PDE11A: variants seen among roughly 807,000 people sequenced by gnomAD.
PDE11A encodes the protein dual 3',5'-cyclic-AMP and -GMP phosphodiesterase 11A.
A neutral mutation model predicts 100.5 loss-of-function variants in PDE11A; 100 were observed. The ratio of observed to expected loss-of-function variants is 1.00; its 90% confidence interval spans 0.85 to 1.18. The LOEUF (loss-of-function observed/expected upper bound fraction) is 1.18, where lower values mean the gene tolerates loss of function less well. PDE11A is among the 50% of genes most tolerant of loss of function. The pLI is 0.00. For missense variants in PDE11A, 1,141 were observed against 1,152.6 expected (o/e 0.99, Z 0.15); for synonymous variants, 381 against 420.8 (o/e 0.91, Z 1.16).
chr2:177,690,471 T>C (rs1040833786), intron 15 of PDE11A, among the ~76,000 whole-genome samples: 6 of 152,258 alleles, frequency 3.9e-5, no homozygotes, highest in African/African-American at 9.6e-5. Context: ...TGCCTAGCAG[T>C]AGAAACATTT....
At chr2:177,776,740 G>A (rs1239791642) in intron 9 of PDE11A, among the ~76,000 whole-genome samples, 1 of 152,100 alleles carries the variant, frequency 6.6e-6, no homozygotes, top group Non-Finnish European at 1.5e-5. Flanking sequence ...GACCAGGTGA[G>A]GACACAGAGA....
chr2:177,923,037 CT>C (rs2085075835), intron 2 of PDE11A, among the ~76,000 whole-genome samples: 12 of 151,714 alleles, frequency 7.9e-5, no homozygotes, highest in Admixed American at 7.9e-4. Context: ...CATTGTCTCT[CT>C]GCATTCTCCT....
chr2:178,066,937 A>G, intron 1 of PDE11A, among the ~76,000 whole-genome samples: 1 of 152,268 alleles, frequency 6.6e-6, no homozygotes, highest in Non-Finnish European at 1.5e-5. Flanking sequence ...GTCCTGCTTT[A>G]CCATCTTGCA....
chr2:177,726,737 G>A (rs1221303415), intron 12 of PDE11A, among the ~76,000 whole-genome samples: 3 of 150,566 alleles, frequency 2.0e-5, no homozygotes, highest in Non-Finnish European at 3.0e-5. Context: ...TTCATTTGGC[G>A]TTCTGATTTT....
At chr2:177,640,758 T>C (rs2080129610) in intron 19 of PDE11A, among the ~76,000 whole-genome samples, 1 of 152,208 alleles carries the variant, frequency 6.6e-6, no homozygotes, top group Non-Finnish European at 1.5e-5. Context: ...AGAAACTCAG[T>C]GGACGGACTG....
rs55638601 is a variant in PDE11A, at chr2:178,016,131, AT to A, written c.913-1672del. Among the ~76,000 whole-genome samples, 762 of 83,726 alleles carry A rather than the reference AT, an allele frequency of 9.1e-3. 2 individuals are homozygous for A. Among genetic ancestry groups the A allele is most frequent in the African/African-American group, 0.033 (667 of 20,320 alleles). The allele number at this position is 83,726 out of a possible 152,430, so 54.9% of individuals were successfully genotyped here. On this transcript the variant is annotated intron_variant, in intron 1 of 19. Coordinates refer to ENST00000286063, the MANE Select transcript of PDE11A (RefSeq NM_016953.4). ...AGATGCAAGCCATCATGCCTGGCTA[AT>A]TTTTTTTTTTTTTTTTTTTTTTTGC...
At chr2:177,669,704 C>A (rs1436378023) in intron 17 of PDE11A, 137 bp from the exon 18 acceptor site, 1 of 666,066 alleles carries the variant, frequency 1.5e-6, no homozygotes, top group African/African-American at 1.8e-5. Context: ...AGTATATTAA[C>A]CTTTCATGTT....
intron 9 of PDE11A, among the ~76,000 whole-genome samples, chr2:177,791,224 C>T (rs2082626440): frequency 6.6e-6 from 1 of 151,882 alleles, no homozygotes; most frequent in Admixed American, 6.6e-5. Flanking sequence ...ATGATGAGTT[C>T]ATGTCCTTTG....
chr2:177,845,162 G>C (rs78275584), intron 5 of PDE11A, among the ~76,000 whole-genome samples: 2 of 149,806 alleles, frequency 1.3e-5, no homozygotes, highest in East Asian at 2.0e-4. Context: ...CTGGCCGGGC[G>C]GGGGGCTGAC....
intron 19 of PDE11A, among the ~76,000 whole-genome samples, chr2:177,642,519 A>G (rs536158087): frequency 6.6e-6 from 1 of 152,366 alleles, no homozygotes; most frequent in Non-Finnish European, 1.5e-5. Flanking sequence ...ATGGTCATTT[A>G]TTCTGCCAGA....
intron 19 of PDE11A, among the ~76,000 whole-genome samples, chr2:177,648,886 T>C (rs2080262960): frequency 6.6e-6 from 1 of 152,112 alleles, no homozygotes; most frequent in Admixed American, 6.5e-5. Flanking sequence ...TAAGGGTTTA[T>C]TTCTTTAATA....
intron 12 of PDE11A, among the ~76,000 whole-genome samples, chr2:177,717,108 G>A (rs910013281): frequency 5.9e-5 from 9 of 152,068 alleles, no homozygotes; most frequent in South Asian, 2.1e-4. Context: ...CTAGATCCTC[G>A]GAGTAGAGAA....
chr2:177,931,911 C>CAAAAAAAAAAAAA (rs71410773), intron 2 of PDE11A, among the ~76,000 whole-genome samples: 2 of 80,192 alleles, frequency 2.5e-5, no homozygotes, highest in Middle Eastern at 6.7e-3. Flanking sequence ...GCTAGATTAA[C>CAAAAAAAAAAAAA]AAAAAAAAAA....
chr2:177,994,318 T>A (rs75125647), intron 2 of PDE11A, among the ~76,000 whole-genome samples: 1 of 152,208 alleles, frequency 6.6e-6, no homozygotes, highest in Non-Finnish European at 1.5e-5. Flanking sequence ...ATACATGGCA[T>A]GTATGCTACC....
At chr2:177,782,782 CCTTTCT>C (rs2082472241) in intron 9 of PDE11A, among the ~76,000 whole-genome samples, 1 of 151,948 alleles carries the variant, frequency 6.6e-6, no homozygotes, top group African/African-American at 2.4e-5. Context: ...CTACTTCCTT[CCTTTCT>C]CTTTCTCCCT....
chr2:178,057,905 T>C (rs2086918467), intron 1 of PDE11A, among the ~76,000 whole-genome samples: 1 of 152,124 alleles, frequency 6.6e-6, no homozygotes, highest in Admixed American at 6.5e-5. Flanking sequence ...TCACCCAGGC[T>C]GGAGTGCAGA....
In PDE11A at chr2:177,766,532, C is replaced by T. The variant is rs1280939970; in HGVS notation, c.1788+2791G>A. Among the ~76,000 whole-genome samples, 5 of 152,160 alleles carry T rather than the reference C, an allele frequency of 3.3e-5. No individual in the cohort carries two copies. The South Asian group carries it at 6.2e-4, about 19-fold the overall frequency. On this transcript the variant is annotated intron_variant, in intron 10 of 19. Coordinates refer to ENST00000286063, the MANE Select transcript of PDE11A (RefSeq NM_016953.4). ...TAGGAAGAATGACAATACACTTGAACGTAAACATGGTTTGTCATATATATT... is the reference window on the plus strand; with the variant it reads ...TAGGAAGAATGACAATACACTTGAATGTAAACATGGTTTGTCATATATATT...
At chr2:178,101,128 C>A (rs1253859763) in intron 2 of PDE11A, among the ~76,000 whole-genome samples, 1 of 152,192 alleles carries the variant, frequency 6.6e-6, no homozygotes, top group Admixed American at 6.5e-5. Context: ...GCAAGCTCAG[C>A]GGCCCCCAAG....
chr2:177,682,903 T>C (rs1448962149), intron 15 of PDE11A, among the ~76,000 whole-genome samples: 1 of 119,752 alleles, frequency 8.4e-6, no homozygotes, highest in Non-Finnish European at 1.7e-5. Flanking sequence ...CTTTGGAAAA[T>C]ACCATCATGA....
Sources: allele counts gnomAD v4.1 joint callset (sites outside exome capture counted in the v4.1 genomes callset), GRCh38; gene constraint gnomAD v4.1.1; transcripts MANE v1.5; gene names NCBI Gene and HGNC (gene_info 2026-07-23, HGNC 2026-07-21).